The following GNAQ variants were observed in gnomAD, a reference collection of about 807,000 sequenced individuals.
GNAQ encodes the protein guanine nucleotide-binding protein G(q) subunit alpha.
In GNAQ, 8 loss-of-function variants were observed where a neutral mutation model predicts 43.9. That is an observed-to-expected ratio of 0.18 (90% CI 0.11 to 0.33). The LOEUF (loss-of-function observed/expected upper bound fraction) is 0.33, where lower values mean the gene tolerates loss of function less well. Ranked by LOEUF, GNAQ falls within the 10% of genes least tolerant of loss-of-function variation. GNAQ has a pLI of 1.00. For missense variants in GNAQ, 158 were observed against 450.8 expected, an observed-to-expected ratio of 0.35 and a Z score of 5.88; for synonymous variants, 155 against 170.7, an observed-to-expected ratio of 0.91 and a Z score of 0.71.
At chr9:77,943,260 C>T (rs532135769) in intron 1 of GNAQ, among the ~76,000 whole-genome samples, 1 of 152,290 alleles carries the variant, frequency 6.6e-6, no homozygotes, top group East Asian at 1.9e-4. Flanking sequence ...ATTTGAGCCT[C>T]AAGATCATTT....
At chr9:77,911,502 A>G (rs1409241095) in intron 2 of GNAQ, among the ~76,000 whole-genome samples, 1 of 152,200 alleles carries the variant, frequency 6.6e-6, no homozygotes, top group African/African-American at 2.4e-5. Flanking sequence ...ACTATAGTTA[A>G]TAAAAGGGCA....
intron 1 of GNAQ, among the ~76,000 whole-genome samples, chr9:77,958,530 G>C (rs1010870490): frequency 7.2e-5 from 11 of 152,200 alleles, no homozygotes; most frequent in African/African-American, 2.7e-4. Context: ...TTAGAAAATT[G>C]ACAGAATGTA....
intron 2 of GNAQ, among the ~76,000 whole-genome samples, chr9:77,884,411 T>G (rs950010810): frequency 6.6e-6 from 1 of 152,130 alleles, no homozygotes; most frequent in Non-Finnish European, 1.5e-5. Context: ...CAAACGACTA[T>G]TAGGAAACCA....
At chr9:77,754,624 ATGT>A (rs1825869630) in intron 5 of GNAQ, among the ~76,000 whole-genome samples, 1 of 152,194 alleles carries the variant, frequency 6.6e-6, no homozygotes, top group East Asian at 1.9e-4. Context: ...GTATTTTGTT[ATGT>A]AAGTGTTCTG....
rs888776591 is a variant in GNAQ, at chr9:78,023,936, A to G, written c.136+7164T>C. 2.0e-5 allele frequency among the ~76,000 whole-genome samples: 3 copies of G among 152,182 alleles called. 1 individual carries two copies. Among genetic ancestry groups the G allele is most frequent in the Non-Finnish European group, 4.4e-5 (3 of 68,032 alleles). On this transcript the variant is annotated intron_variant, in intron 1 of 6. Coordinates refer to ENST00000286548, the MANE Select transcript of GNAQ (RefSeq NM_002072.5). Reference sequence around the variant, plus strand: ...GTGTGTATAAACACACACATATTGTATATGTGTGTATATACACACACACAC... The same window carrying G: ...GTGTGTATAAACACACACATATTGTGTATGTGTGTATATACACACACACAC...
At chr9:77,782,537 T>C (rs891325936) in intron 5 of GNAQ, among the ~76,000 whole-genome samples, 4 of 152,160 alleles carry the variant, frequency 2.6e-5, no homozygotes, top group Non-Finnish European at 5.9e-5. Flanking sequence ...CTCTCATTCA[T>C]CACTGGTGGG....
At chr9:77,879,356 C>T (rs181787757) in intron 2 of GNAQ, among the ~76,000 whole-genome samples, 2 of 151,990 alleles carry the variant, frequency 1.3e-5, no homozygotes, top group South Asian at 2.1e-4. Flanking sequence ...CTCCGCCTCC[C>T]GGGTTCAAAT....
Position 77,745,579 on chromosome 9 carries a change from A to T in GNAQ, c.736-16912T>A, listed in dbSNP as rs553607898. Among the ~76,000 whole-genome samples, 233 of 150,752 alleles carry T rather than the reference A, an allele frequency of 1.5e-3. 2 individuals carry two copies. Among genetic ancestry groups the T allele is most frequent in the Middle Eastern group, 6.8e-3 (2 of 294 alleles). On this transcript the variant is annotated intron_variant, in intron 5 of 6. Transcript: ENST00000286548. Reference sequence around the variant, plus strand: ...AGATCTCTTAGGATTTCAAAAAAAAAATCTTATGATTCAGCAGGTCATGCA... The same window carrying T: ...AGATCTCTTAGGATTTCAAAAAAAATATCTTATGATTCAGCAGGTCATGCA...
At chr9:78,008,623 T>TCA (rs77019730) in intron 1 of GNAQ, among the ~76,000 whole-genome samples, 63 of 147,506 alleles carry the variant, frequency 4.3e-4, no homozygotes, top group Admixed American at 1.7e-3. Context: ...TCATTTCATT[T>TCA]TATTTTATTT....
At chr9:77,983,882 A>G (rs1482115802) in intron 1 of GNAQ, among the ~76,000 whole-genome samples, 3 of 151,938 alleles carry the variant, frequency 2.0e-5, no homozygotes, top group African/African-American at 7.3e-5. Flanking sequence ...GTCCACTCCA[A>G]GAGACAGGAA....
intron 2 of GNAQ, among the ~76,000 whole-genome samples, chr9:77,865,005 T>G (rs938358858): frequency 6.6e-6 from 1 of 152,176 alleles, no homozygotes; most frequent in Non-Finnish European, 1.5e-5. Flanking sequence ...TTTTTCCCCA[T>G]CAAAAAGAAA....
At chr9:77,868,062 C>T (rs1440797914) in intron 2 of GNAQ, among the ~76,000 whole-genome samples, 1 of 152,178 alleles carries the variant, frequency 6.6e-6, no homozygotes, top group Non-Finnish European at 1.5e-5. Flanking sequence ...CATCCCTTGT[C>T]ATAGATGCAA....
intron 5 of GNAQ, among the ~76,000 whole-genome samples, chr9:77,751,837 C>A (rs1216281897): frequency 6.6e-6 from 1 of 152,034 alleles, no homozygotes; most frequent in African/African-American, 2.4e-5. Context: ...ACGAAAAAAA[C>A]AGGTCACTGA....
chr9:77,952,594 C>T (rs7866517), intron 1 of GNAQ, among the ~76,000 whole-genome samples: 118,457 of 152,154 alleles, frequency 0.78, 46,753 homozygotes, highest in African/African-American at 0.89. Flanking sequence ...TTAAGAATTG[C>T]AGAAAAAAGT....
chr9:77,740,675 C>T (rs540525067), intron 5 of GNAQ, among the ~76,000 whole-genome samples: 1 of 151,890 alleles, frequency 6.6e-6, no homozygotes, highest in Non-Finnish European at 1.5e-5. Context: ...AGTTGGTTTT[C>T]TTTTTAGTCT....
intron 5 of GNAQ, among the ~76,000 whole-genome samples, chr9:77,787,342 G>C (rs1177174065): frequency 6.6e-6 from 1 of 152,212 alleles, no homozygotes; most frequent in African/African-American, 2.4e-5. Flanking sequence ...AATGGTCTTG[G>C]CAAAGTTCTG....
chr9:77,725,051 TTACTC>T (rs1705417278), intron 6 of GNAQ, among the ~76,000 whole-genome samples: 1 of 152,118 alleles, frequency 6.6e-6, no homozygotes, highest in Admixed American at 6.5e-5. Context: ...GATTTTGTAC[TTACTC>T]TATTTGGGAA....
At position 77,753,685 on chromosome 9, in the gene GNAQ, C is replaced by T. The variant is rs762780437; in HGVS notation, c.736-25018G>A. Among the ~76,000 whole-genome samples, 9 of 152,244 alleles carry T rather than the reference C, an allele frequency of 5.9e-5. No homozygotes were observed. The East Asian group carries it at 7.7e-4, about 13-fold the overall frequency. On this transcript the variant is annotated intron_variant, in intron 5 of 6. Coordinates refer to ENST00000286548, the MANE Select transcript of GNAQ (RefSeq NM_002072.5). Reference sequence around the variant, plus strand: ...AAACATGATGTAAAAAACATTCCTCCGTTTTCCCTAGAGAGGTCTCGAAAT... The same window carrying T: ...AAACATGATGTAAAAAACATTCCTCTGTTTTCCCTAGAGAGGTCTCGAAAT...
At chr9:77,936,083 C>T (rs1211022186) in intron 1 of GNAQ, among the ~76,000 whole-genome samples, 1 of 152,160 alleles carries the variant, frequency 6.6e-6, no homozygotes, top group African/African-American at 2.4e-5. Context: ...AAAGAAAGTA[C>T]ATCGGTGCAT....
Sources: allele counts gnomAD v4.1 joint callset (sites outside exome capture counted in the v4.1 genomes callset), GRCh38; gene constraint gnomAD v4.1.1; transcripts MANE v1.5; gene names NCBI Gene and HGNC (gene_info 2026-07-23, HGNC 2026-07-21).